Variants in THSD7A observed in about 807,000 individuals in gnomAD.
The protein encoded by THSD7A is thrombospondin type-1 domain-containing protein 7A.
THSD7A carries 96 observed loss-of-function variants against 231.3 expected under a neutral mutation model. The observed-to-expected ratio is 0.41, with a 90% CI of 0.35 to 0.49. The LOEUF is 0.49. THSD7A is among the 20% of genes least tolerant of loss of function. THSD7A has a pLI of 0.05. For synonymous variants in THSD7A, 940 were observed against 743.3 expected (o/e 1.26, Z -4.30); for missense variants, 2,290 against 2,070.2 (o/e 1.11, Z -2.06).
At chr7:11,708,865 GA>G (rs1780855454) in intron 1 of THSD7A, among the ~76,000 whole-genome samples, 1 of 150,778 alleles carries the variant, frequency 6.6e-6, no homozygotes, top group Admixed American at 6.6e-5. Context: ...AATTTAATGT[GA>G]CTACCAAATG....
At chr7:11,616,030 T>G (rs921597121) in intron 2 of THSD7A, among the ~76,000 whole-genome samples, 1 of 152,220 alleles carries the variant, frequency 6.6e-6, no homozygotes, top group African/African-American at 2.4e-5. Context: ...TGTCACCAAA[T>G]TTTTATATAT....
chr7:11,439,154 A>G (rs1460492033), intron 13 of THSD7A, among the ~76,000 whole-genome samples: 1 of 152,012 alleles, frequency 6.6e-6, no homozygotes, highest in Non-Finnish European at 1.5e-5. Context: ...TGATTTTTTA[A>G]TAGTGTTCAG....
chr7:11,446,735 T>C lies in THSD7A; in HGVS notation c.2801-411A>G, dbSNP rs1230866410. Among the ~76,000 whole-genome samples the C allele has an allele frequency of 6.6e-6, 1 of 152,172 alleles. No individual in the cohort carries two copies. The highest frequency in any genetic ancestry group is 6.6e-5 in the Admixed American group (1 of 15,260). ...CTTTTGCCATTGGCAATATTTCAAA[T>C]GCACCAAGCTTTAGTTCAGAGTGAT... On this transcript the variant is annotated intron_variant, in intron 12 of 27. Transcript: ENST00000423059. The surrounding 1 kb of genome is among the most constrained non-coding windows in gnomAD (Gnocchi z 4.0).
intron 2 of THSD7A, among the ~76,000 whole-genome samples, chr7:11,617,419 TTGTA>T (rs888274210): frequency 6.6e-6 from 1 of 152,218 alleles, no homozygotes; most frequent in Non-Finnish European, 1.5e-5. Context: ...GCACGTATAT[TTGTA>T]TGTATGTATG....
intron 1 of THSD7A, among the ~76,000 whole-genome samples, chr7:11,759,058 T>G (rs1260372994): frequency 3.3e-5 from 5 of 151,874 alleles, no homozygotes; most frequent in Non-Finnish European, 7.4e-5. Flanking sequence ...ACAAATTATC[T>G]CTGGAGAAAA....
At chr7:11,783,142 T>C (rs1286612700) in intron 1 of THSD7A, among the ~76,000 whole-genome samples, 1 of 152,138 alleles carries the variant, frequency 6.6e-6, no homozygotes, top group Non-Finnish European at 1.5e-5. Flanking sequence ...ACAGATGCCC[T>C]TCTACTTACA....
intron 17 of THSD7A, among the ~76,000 whole-genome samples, chr7:11,413,177 TA>T (rs1334303312): frequency 6.6e-6 from 1 of 151,990 alleles, no homozygotes; most frequent in Non-Finnish European, 1.5e-5. Context: ...AAAGACATTT[TA>T]AGAATAACTT....
At chr7:11,516,467 A>G (rs900936361) in intron 6 of THSD7A, among the ~76,000 whole-genome samples, 1 of 152,182 alleles carries the variant, frequency 6.6e-6, no homozygotes, top group East Asian at 1.9e-4. Context: ...TCATGGCTAT[A>G]TTATAGTGCC....
chr7:11,521,513 T>C (rs1788265231), intron 6 of THSD7A, among the ~76,000 whole-genome samples: 1 of 142,322 alleles, frequency 7.0e-6, no homozygotes, highest in Non-Finnish European at 1.5e-5. Flanking sequence ...TATTATACTC[T>C]AAGTTTTAGG....
intron 9 of THSD7A, 54 bp from the exon 10 acceptor site, chr7:11,462,197 T>G: frequency 6.3e-7 from 1 of 1,586,398 alleles, no homozygotes; most frequent in Non-Finnish European, 8.6e-7. Flanking sequence ...AGATAATCTC[T>G]AAATACCAGT....
rs960341858 is a variant in THSD7A, at chr7:11,569,812, G to C, written c.1453+20648C>G. 3.9e-5 allele frequency among the ~76,000 whole-genome samples: 6 copies of C among 152,218 alleles called. 2 individuals are homozygous for C. Among genetic ancestry groups the C allele is most frequent in the Admixed American group, 6.5e-5 (1 of 15,276 alleles). Reference sequence around the variant, plus strand: ...CAAATGAATGGATAAATAATATTTGGTACATGTACACAATGGTATACTATT... The same window carrying C: ...CAAATGAATGGATAAATAATATTTGCTACATGTACACAATGGTATACTATT... On this transcript the variant is annotated intron_variant, in intron 4 of 27. Transcript: ENST00000423059.
In THSD7A at chr7:11,636,321, G is replaced by A. The variant is rs377308966; in HGVS notation, c.831C>T (p.Arg277=). ...CCTTTTCCCGTTCTTTATTCTTCCC[G>A]CGTCTCCTTGCTTGTCTTACTTGTC... The part of the protein sequence containing the change: ...HSRQVRQARR[R]GKNKEREKDR... Residue 277 remains arginine (R), a synonymous_variant, in exon 2 of 28, where the codon CGC becomes CGT. Transcript: ENST00000423059. The surrounding 1 kb of genome is among the most constrained non-coding windows in gnomAD (Gnocchi z 10.0). 82 of 1,613,494 alleles carry A rather than the reference G, an allele frequency of 5.1e-5. No homozygotes were observed. Among genetic ancestry groups the A allele is most frequent in the Non-Finnish European group, 5.8e-5 (69 of 1,179,840 alleles).
intron 16 of THSD7A, among the ~76,000 whole-genome samples, chr7:11,422,701 G>A (rs1784190450): frequency 6.6e-6 from 1 of 151,918 alleles, no homozygotes; most frequent in South Asian, 2.1e-4. Flanking sequence ...TGGCCAGGCT[G>A]GAGGGCAGTA....
At chr7:11,475,628 CAT>C (rs1182474271) in intron 7 of THSD7A, among the ~76,000 whole-genome samples, 7 of 148,152 alleles carry the variant, frequency 4.7e-5, no homozygotes, top group African/African-American at 1.5e-4. Context: ...ATATATATAA[CAT>C]ATATATGCAT....
rs1173490585 is a variant in THSD7A at position 11,590,467 on chromosome 7, G to A, written c.1446C>T (p.Asn482=). Residue 482 remains asparagine (N), a synonymous_variant, in exon 4 of 28, where the codon AAC becomes AAT. Transcript: ENST00000423059. The surrounding 1 kb of genome is among the most constrained non-coding windows in gnomAD (Gnocchi z 4.4). ...GAAGAAAGCAAAGGTTACCTTCTTT[G>A]TTCTTGTGGGTACTTAATTGTGAGA... ...NLLSQLSTHK[N]KEASKPMDLK... is the part of the protein sequence containing the mutation. 1 of 1,610,312 alleles carries A rather than the reference G, an allele frequency of 6.2e-7. No individual in the cohort carries two copies. The highest frequency in any genetic ancestry group is 1.1e-5 in the South Asian group (1 of 90,516).
intron 4 of THSD7A, among the ~76,000 whole-genome samples, chr7:11,572,479 C>T (rs780348358): frequency 2.6e-5 from 4 of 152,128 alleles, no homozygotes; most frequent in Non-Finnish European, 4.4e-5. Flanking sequence ...CCCCAAGACA[C>T]TCTTTTCCTT....
At chr7:11,542,688 G>A (rs1789203131) in intron 5 of THSD7A, among the ~76,000 whole-genome samples, 1 of 152,094 alleles carries the variant, frequency 6.6e-6, no homozygotes, top group African/African-American at 2.4e-5. Context: ...TCCAATCCAG[G>A]CCTGACCCCA....
chr7:11,443,395 G>T, intron 13 of THSD7A, among the ~76,000 whole-genome samples: 1 of 151,840 alleles, frequency 6.6e-6, no homozygotes, highest in South Asian at 2.1e-4. Context: ...TAACACTTAT[G>T]TTATTTCATA....
At chr7:11,494,843 A>G (rs1286180359) in intron 6 of THSD7A, among the ~76,000 whole-genome samples, 5 of 151,982 alleles carry the variant, frequency 3.3e-5, no homozygotes, top group Non-Finnish European at 5.9e-5. Flanking sequence ...TTTTACCTAA[A>G]CCTTTATAAT....
Sources: gnomAD v4.1 joint callset for allele counts (sites outside exome capture counted in the v4.1 genomes callset) on GRCh38, gnomAD v4.1.1 for gene constraint, Gnocchi (gnomAD v3.1) non-coding constraint, MANE v1.5 for transcripts, NCBI Gene and HGNC (gene_info 2026-07-23, HGNC 2026-07-21) for gene names.